NPRL3: variants seen among roughly 807,000 people sequenced by gnomAD.
The protein encoded by NPRL3 is GATOR1 complex protein NPRL3.
A neutral mutation model predicts 57.2 loss-of-function variants in NPRL3; 23 were observed. The observed-to-expected ratio is 0.40, with a 90% confidence interval of 0.29 to 0.57. The LOEUF (loss-of-function observed/expected upper bound fraction) is 0.57. NPRL3 is among the 20% of genes least tolerant of loss of function. NPRL3 has a pLI of 0.42. For synonymous variants in NPRL3, 333 were observed against 321.1 expected (o/e 1.04, Z -0.39); for missense variants, 691 against 767.1 (o/e 0.90, Z 1.17).
intron 13 of NPRL3, among the ~76,000 whole-genome samples, chr16:87,416 G>A (rs1885705771): frequency 6.6e-6 from 1 of 151,910 alleles, no homozygotes; most frequent in South Asian, 2.1e-4. Flanking sequence ...CTCTTTTTTA[G>A]TAGAGACAGG....
intron 3 of NPRL3, among the ~76,000 whole-genome samples, chr16:129,653 C>A (rs1206919772): frequency 3.9e-5 from 6 of 152,186 alleles, no homozygotes; most frequent in Admixed American, 6.5e-5. Flanking sequence ...CCCATCTCTA[C>A]AATCAATCAA....
chr16:109,672 G>T (rs1254761349), intron 7 of NPRL3, among the ~76,000 whole-genome samples: 1 of 152,028 alleles, frequency 6.6e-6, no homozygotes, highest in Admixed American at 6.6e-5. Flanking sequence ...GGTACTCAGG[G>T]GTTTGTACCT....
chr16:118,501 T>C (rs774389883), intron 4 of NPRL3, among the ~76,000 whole-genome samples: 8 of 152,192 alleles, frequency 5.3e-5, no homozygotes, highest in Non-Finnish European at 1.2e-4. Context: ...ACGATGCTAG[T>C]TAACTCACTA....
intron 4 of NPRL3, among the ~76,000 whole-genome samples, chr16:118,563 G>A (rs1046575361): frequency 2.0e-5 from 3 of 152,184 alleles, no homozygotes; most frequent in Non-Finnish European, 2.9e-5. Flanking sequence ...GAGGGCCACA[G>A]TCAGTAGAGA....
chr16:97,913 G>T (rs1470590287), intron 9 of NPRL3, among the ~76,000 whole-genome samples: 1 of 152,254 alleles, frequency 6.6e-6, no homozygotes, highest in South Asian at 2.1e-4. Flanking sequence ...ACCTCTCTGA[G>T]ACAGAAGAAC....
chr16:98,099 C>A (rs764273616), intron 9 of NPRL3, 46 bp downstream of exon 9: 2 of 1,592,862 alleles, frequency 1.3e-6, no homozygotes, highest in African/African-American at 1.3e-5. Context: ...TTTCCTGATG[C>A]CCCAGCACCG....
rs150131864 is a variant in NPRL3 at position 85,661 on chromosome 16, C to T, written c.*1044G>A. ...TGAGCCGGCTGTAGTGGCAGCAGCC[C>T]GGGTGGGCGTCGGCCATGCAGGGGA... On this transcript the variant is annotated 3_prime_UTR_variant, in exon 14 of 14. Transcript: ENST00000611875. 1.0e-5 allele frequency: 16 copies of T among 1,584,164 alleles called. No homozygotes were observed. Among genetic ancestry groups the T allele is most frequent in the South Asian group, 4.5e-5 (4 of 88,800 alleles).
At chr16:132,008 C>CTTTTTT (rs61664945) in intron 2 of NPRL3, among the ~76,000 whole-genome samples, 2 of 144,952 alleles carry the variant, frequency 1.4e-5, no homozygotes, top group Admixed American at 6.9e-5. Flanking sequence ...TTCTTTCTTT[C>CTTTTTT]TTTTTTTTTT....
At chr16:108,554 T>C (rs1020649054) in intron 7 of NPRL3, among the ~76,000 whole-genome samples, 7 of 152,126 alleles carry the variant, frequency 4.6e-5, no homozygotes, top group Non-Finnish European at 7.3e-5. Context: ...TGGTTAGCAC[T>C]GGAAGGCTGG....
intron 3 of NPRL3, among the ~76,000 whole-genome samples, chr16:122,335 G>A (rs192083872): frequency 2.0e-5 from 3 of 152,020 alleles, no homozygotes; most frequent in South Asian, 2.1e-4. Flanking sequence ...CTGACCTCAT[G>A]ATCTGCCCAC....
chr16:120,348 G>A (rs952422751), intron 3 of NPRL3, among the ~76,000 whole-genome samples: 4 of 152,164 alleles, frequency 2.6e-5, no homozygotes, highest in African/African-American at 7.2e-5. Context: ...GTGCAAACCT[G>A]GTCATGCTTC....
intron 13 of NPRL3, among the ~76,000 whole-genome samples, chr16:88,324 T>C (rs1898588663): frequency 6.8e-6 from 1 of 146,172 alleles, no homozygotes; most frequent in African/African-American, 2.7e-5. Context: ...GAGCTTGCAG[T>C]GAGCCGAGAT....
At chr16:95,340 T>C (rs1187378033) in intron 9 of NPRL3, among the ~76,000 whole-genome samples, 7 of 55,062 alleles carry the variant, frequency 1.3e-4, no homozygotes, top group Non-Finnish European at 2.4e-4. Flanking sequence ...TATATATATA[T>C]ATATATATAT....
At chr16:125,656 C>G (rs1158419640) in intron 3 of NPRL3, 1 of 152,272 alleles carries the variant, frequency 6.6e-6, no homozygotes, top group Non-Finnish European at 1.5e-5. Context: ...ACACCGAAGG[C>G]TGCAAAGCGA....
At chr16:86,973 G>T in intron 13 of NPRL3, 103 bp from the exon 14 acceptor site, 1 of 1,216,290 alleles carries the variant, frequency 8.2e-7, no homozygotes. Context: ...CCACAGGCCT[G>T]AACAGAGCTG....
Position 130,582 on chromosome 16 carries a change from C to A in NPRL3, c.128G>T (p.Arg43Leu), listed in dbSNP as rs376476299. Residue 43 changes from arginine (R) to leucine (L), a missense_variant, in exon 3 of 14, where the codon CGT (arginine) becomes CTT (leucine). Transcript: ENST00000611875. ...EHPASQTSKP[R>L]SRYAASNTGD... ...CGTGTTGCTGGCAGCGTATCTGCTA[C>A]GCGGCTTACCTGAGTCGGGGCGAAA... is the stretch of plus-strand genomic sequence containing the variant. 7.1e-6 allele frequency: 11 copies of A among 1,554,282 alleles called. No homozygotes were observed. Among genetic ancestry groups the A allele is most frequent in the African/African-American group, 4.1e-5 (3 of 73,226 alleles).
intron 12 of NPRL3, chr16:89,329 T>C: frequency 3.7e-6 from 1 of 273,912 alleles, no homozygotes; most frequent in Non-Finnish European, 6.9e-6. Flanking sequence ...ACCTGGGACC[T>C]GGCAACAGGC....
intron 4 of NPRL3, among the ~76,000 whole-genome samples, chr16:117,946 G>A (rs1900117218): frequency 6.6e-6 from 1 of 152,220 alleles, no homozygotes. Context: ...AGGGGGAGTT[G>A]GGGCCCCAGG....
At chr16:134,550 T>C (rs938762014) in intron 2 of NPRL3, among the ~76,000 whole-genome samples, 1 of 152,070 alleles carries the variant, frequency 6.6e-6, no homozygotes, top group African/African-American at 2.4e-5. Context: ...CACCAAGAGC[T>C]TGGGAGTGGG....
Sources: gnomAD v4.1 joint callset for allele counts (sites outside exome capture counted in the v4.1 genomes callset) on GRCh38, gnomAD v4.1.1 for gene constraint, MANE v1.5 for transcripts, NCBI Gene and HGNC (gene_info 2026-07-23, HGNC 2026-07-21) for gene names.